Variants in FSTL4 observed in about 807,000 individuals in gnomAD.
FSTL4 encodes follistatin-related protein 4.
In FSTL4, 28 loss-of-function variants were observed where a neutral mutation model predicts 78.2. The ratio of observed to expected loss-of-function variants is 0.36; its 90% CI spans 0.27 to 0.49. FSTL4 has a LOEUF of 0.49. Among genes scored for constraint, FSTL4 ranks in the 20% least tolerant of loss-of-function variants. The probability of loss-of-function intolerance (pLI) is 0.98; values close to 1 mark genes in which losing one functional copy is unlikely to be tolerated. For missense variants in FSTL4, 922 were observed against 1,084.9 expected (o/e 0.85, Z 2.11); for synonymous variants, 422 against 440.5 (o/e 0.96, Z 0.53).
the FSTL4 span, among the ~76,000 whole-genome samples, chr5:133,724,345 G>A: frequency 3.0e-3 from 455 of 152,248 alleles, 4 homozygotes; most frequent in African/African-American, 0.011. Context: ...GGGTGGCAGA[G>A]GCAAGGTGTT....
the FSTL4 span, among the ~76,000 whole-genome samples, chr5:133,718,820 T>C: frequency 6.6e-6 from 1 of 152,214 alleles, no homozygotes; most frequent in Admixed American, 6.5e-5. Context: ...TTACCTCCTA[T>C]TCAAGTAAAT....
chr5:133,713,666 T>A, the FSTL4 span, among the ~76,000 whole-genome samples: 1 of 152,114 alleles, frequency 6.6e-6, no homozygotes. Context: ...GGGAGCTTCA[T>A]CTGGCTATGC....
rs368654600 is a variant in FSTL4, at chr5:133,361,327, A to G, written c.409+39411T>C. ...CTCTGCCCCTTTGTATGTTATCTTG[A>G]GATTTCGCGGTTGACTGCGATAATC... On this transcript the variant is annotated intron_variant, in intron 4 of 15. Transcript: ENST00000265342. The surrounding 1 kb of genome is among the most constrained non-coding windows in gnomAD (Gnocchi z 4.3). 7.0e-4 allele frequency among the ~76,000 whole-genome samples: 106 copies of G among 152,280 alleles called. No homozygotes were observed. In the East Asian group the frequency reaches 0.018, roughly 26 times the overall value.
chr5:133,744,821 T>G, the FSTL4 span, among the ~76,000 whole-genome samples: 1 of 152,204 alleles, frequency 6.6e-6, no homozygotes, highest in Non-Finnish European at 1.5e-5. Context: ...AAGATTCCAC[T>G]TGGGTTTCCA....
chr5:133,349,295 C>CTCTCTGTGTGTGTGTGTG (rs11269337), intron 4 of FSTL4, among the ~76,000 whole-genome samples: 123 of 139,772 alleles, frequency 8.8e-4, no homozygotes, highest in East Asian at 1.6e-3. Context: ...GCCTCTCTCT[C>CTCTCTGTGTGTGTGTGTG]TGTGTGTGTG....
chr5:133,571,078 C>G (rs2112947799), intron 2 of FSTL4, among the ~76,000 whole-genome samples: 1 of 149,920 alleles, frequency 6.7e-6, no homozygotes, highest in Admixed American at 6.6e-5. Context: ...GGCTGAGAAA[C>G]AAGTTAAAAA....
the FSTL4 span, among the ~76,000 whole-genome samples, chr5:133,830,093 A>C: frequency 3.9e-5 from 6 of 152,194 alleles, no homozygotes; most frequent in African/African-American, 1.4e-4. Context: ...CCCAGTGACA[A>C]GATCAACAAG....
the FSTL4 span, among the ~76,000 whole-genome samples, chr5:133,731,185 G>A: frequency 6.6e-6 from 1 of 152,156 alleles, no homozygotes; most frequent in Non-Finnish European, 1.5e-5. Context: ...CTCTCTCGGG[G>A]AGGTTGTGAT....
chr5:133,639,494 C>G, the FSTL4 span, among the ~76,000 whole-genome samples: 1 of 152,192 alleles, frequency 6.6e-6, no homozygotes, highest in East Asian at 1.9e-4. Flanking sequence ...ATGAGAAAGC[C>G]TTTGCTCCTT....
chr5:133,603,812 A>C (rs1561483978), intron 2 of FSTL4, 46 bp downstream of exon 2: 1 of 1,594,378 alleles, frequency 6.3e-7, no homozygotes, highest in Non-Finnish European at 8.6e-7. Context: ...GTAACATCGG[A>C]AAGCAATCAG....
intron 2 of FSTL4, among the ~76,000 whole-genome samples, chr5:133,568,998 A>C (rs1760091228): frequency 6.6e-6 from 1 of 152,004 alleles, no homozygotes; most frequent in African/African-American, 2.4e-5. Flanking sequence ...CGTATTTTGA[A>C]TATTTCTTTT....
intron 2 of FSTL4, among the ~76,000 whole-genome samples, chr5:133,589,286 T>TAAAAAAAAAAAAAA (rs113649317): frequency 5.0e-5 from 4 of 80,388 alleles, no homozygotes; most frequent in Admixed American, 2.5e-4. Flanking sequence ...TAGAGTATAA[T>TAAAAAAAAAAAAAA]AAAAAAAAAA....
At position 133,277,857 on chromosome 5, in the gene FSTL4, AAAAGAT is replaced by A. The variant is rs1752921703; in HGVS notation, c.728-28287_728-28282del. On this transcript the variant is annotated intron_variant, in intron 6 of 15. Coordinates refer to ENST00000265342, the MANE Select transcript of FSTL4 (RefSeq NM_015082.2). ...GGGACACTTGGTGCTGATGTGAAGC[AAAAGAT>A]AAAGAACAGCCAGTCCGGAGTAGGT... 3.9e-5 allele frequency among the ~76,000 whole-genome samples: 6 copies of A among 152,336 alleles called. No homozygotes were observed. The South Asian group carries it at 1.2e-3, about 32-fold the overall frequency.
the FSTL4 span, among the ~76,000 whole-genome samples, chr5:133,726,998 C>A: frequency 2.0e-5 from 3 of 152,084 alleles, no homozygotes; most frequent in African/African-American, 7.2e-5. Flanking sequence ...CGTGGCATGT[C>A]GGTGTATTAA....
intron 3 of FSTL4, among the ~76,000 whole-genome samples, chr5:133,468,552 G>A (rs1420120695): frequency 6.6e-6 from 1 of 152,216 alleles, no homozygotes. Context: ...CTCTAAGGCA[G>A]AGGAGCCCAA....
At chr5:133,700,945 C>T in the FSTL4 span, among the ~76,000 whole-genome samples, 2 of 152,234 alleles carry the variant, frequency 1.3e-5, no homozygotes, top group African/African-American at 4.8e-5. Context: ...ACTGCCCCCA[C>T]GGACTTGAGA....
rs534832847 is a variant in FSTL4, at chr5:133,550,903, C to T, written c.160+16283G>A. Among the ~76,000 whole-genome samples, 9 of 152,138 alleles carry T rather than the reference C, an allele frequency of 5.9e-5. No individual in the cohort carries two copies. In the South Asian group the frequency reaches 1.0e-3, roughly 18 times the overall value. On this transcript the variant is annotated intron_variant, in intron 3 of 15. Coordinates refer to ENST00000265342, the MANE Select transcript of FSTL4 (RefSeq NM_015082.2). ...GTTTGGCTTCTTTTCACTGTATGAG[C>T]GATGATTTTCTTGTCCTTTTATATA...
intron 7 of FSTL4, chr5:133,247,241 G>A (rs1393951155): frequency 6.6e-6 from 1 of 152,158 alleles, no homozygotes; most frequent in Non-Finnish European, 1.5e-5. Flanking sequence ...AGATAATGAG[G>A]GGCCATTCAT....
At chr5:133,727,305 T>C in the FSTL4 span, among the ~76,000 whole-genome samples, 1 of 151,950 alleles carries the variant, frequency 6.6e-6, no homozygotes, top group South Asian at 2.1e-4. Flanking sequence ...GGTTAAAGAA[T>C]CATTGCAGAC....
Sources: allele counts gnomAD v4.1 joint callset (sites outside exome capture counted in the v4.1 genomes callset), GRCh38; gene constraint gnomAD v4.1.1; non-coding constraint Gnocchi (gnomAD v3.1); transcripts MANE v1.5; gene names NCBI Gene and HGNC (gene_info 2026-07-23, HGNC 2026-07-21).